DAP: variants seen among roughly 807,000 people sequenced by gnomAD.
DAP encodes the protein death associated protein, also known as death-associated protein 1.
DAP carries 8 observed loss-of-function variants against 13.8 expected under a neutral mutation model. The ratio of observed to expected loss-of-function variants is 0.58; its 90% confidence interval spans 0.34 to 1.05. The LOEUF (loss-of-function observed/expected upper bound fraction) is 1.05. Ranked by LOEUF, DAP falls within the 50% of genes least tolerant of loss-of-function variation. The pLI is 0.03. For synonymous variants in DAP, 47 were observed against 47.5 expected (o/e 0.99, Z 0.04); for missense variants, 106 against 133.2 (o/e 0.80, Z 1.01).
chr5:10,724,380 A>C (rs1739231699), intron 2 of DAP, among the ~76,000 whole-genome samples: 2 of 152,246 alleles, frequency 1.3e-5, no homozygotes, highest in African/African-American at 4.8e-5. Flanking sequence ...TTCAAAGCTT[A>C]CAGATATTCA....
chr5:10,686,098 T>C (rs1056066232), intron 2 of DAP, among the ~76,000 whole-genome samples: 2 of 152,220 alleles, frequency 1.3e-5, no homozygotes, highest in Admixed American at 6.5e-5. Context: ...TCATTGATCT[T>C]TGATGTTACT....
chr5:10,684,558 T>A (rs1303447845), intron 2 of DAP, among the ~76,000 whole-genome samples: 3 of 152,256 alleles, frequency 2.0e-5, no homozygotes, highest in Non-Finnish European at 4.4e-5. Context: ...AACGTGGGGC[T>A]ATCCTCCCAG....
At chr5:10,701,167 A>C (rs1448106525) in intron 2 of DAP, among the ~76,000 whole-genome samples, 1 of 152,260 alleles carries the variant, frequency 6.6e-6, no homozygotes, top group Non-Finnish European at 1.5e-5. Context: ...TTATTTCCCA[A>C]GGAAACAAAA....
At chr5:10,754,208 C>T (rs948478391) in intron 1 of DAP, among the ~76,000 whole-genome samples, 2 of 152,154 alleles carry the variant, frequency 1.3e-5, no homozygotes, top group African/African-American at 2.4e-5. Flanking sequence ...GCGGTAAGAA[C>T]GTATGCAGAG....
chr5:10,729,061 A>G (rs575122912), intron 2 of DAP, among the ~76,000 whole-genome samples: 1 of 152,320 alleles, frequency 6.6e-6, no homozygotes, highest in East Asian at 1.9e-4. Context: ...TAATTGTCCT[A>G]GTTTTTTTCT....
intron 2 of DAP, among the ~76,000 whole-genome samples, chr5:10,703,833 C>T (rs988760539): frequency 1.8e-4 from 27 of 152,208 alleles, no homozygotes; most frequent in African/African-American, 6.5e-4. Flanking sequence ...TAGAGGACAG[C>T]GCAGGGCGTG....
intron 1 of DAP, among the ~76,000 whole-genome samples, chr5:10,760,000 C>T (rs181865296): frequency 6.6e-6 from 1 of 152,038 alleles, no homozygotes; most frequent in Non-Finnish European, 1.5e-5. Context: ...AGTGATCCAC[C>T]CTCCTTGGCC....
chr5:10,738,549 T>C (rs778866976), intron 2 of DAP, among the ~76,000 whole-genome samples: 2 of 152,174 alleles, frequency 1.3e-5, no homozygotes, highest in African/African-American at 2.4e-5. Context: ...ATCAGAAAAA[T>C]TGAACTGAGG....
At chr5:10,688,148 T>C (rs1738202976) in intron 2 of DAP, among the ~76,000 whole-genome samples, 1 of 152,102 alleles carries the variant, frequency 6.6e-6, no homozygotes, top group Non-Finnish European at 1.5e-5. Context: ...ACTCCTGGCC[T>C]CAAGTGATCT....
chr5:10,758,767 C>G (rs1257492218), intron 1 of DAP, among the ~76,000 whole-genome samples: 1 of 152,214 alleles, frequency 6.6e-6, no homozygotes, highest in Admixed American at 6.5e-5. Context: ...TACACTAGCA[C>G]AAATAAGCTG....
chr5:10,735,629 T>C (rs372812067), intron 2 of DAP, among the ~76,000 whole-genome samples: 1 of 152,234 alleles, frequency 6.6e-6, no homozygotes, highest in African/African-American at 2.4e-5. Flanking sequence ...TCTTAATTGA[T>C]GGAGTGTGTG....
At chr5:10,729,936 C>T (rs1739392255) in intron 2 of DAP, among the ~76,000 whole-genome samples, 1 of 152,232 alleles carries the variant, frequency 6.6e-6, no homozygotes, top group African/African-American at 2.4e-5. Flanking sequence ...GACAGCTACC[C>T]TAGCATCTGT....
At chr5:10,725,976 G>C (rs1739279325) in intron 2 of DAP, among the ~76,000 whole-genome samples, 1 of 152,156 alleles carries the variant, frequency 6.6e-6, no homozygotes, top group Non-Finnish European at 1.5e-5. Context: ...CTGTTATTTG[G>C]CTATTAGACT....
At chr5:10,741,101 A>T (rs1022008667) in intron 2 of DAP, among the ~76,000 whole-genome samples, 1 of 152,242 alleles carries the variant, frequency 6.6e-6, no homozygotes, top group African/African-American at 2.4e-5. Context: ...CTGTAATCCC[A>T]GCACTATGGG....
intron 1 of DAP, among the ~76,000 whole-genome samples, chr5:10,754,429 T>C (rs1740127894): frequency 6.6e-6 from 1 of 152,172 alleles, no homozygotes; most frequent in Non-Finnish European, 1.5e-5. Flanking sequence ...TATTCTGTGC[T>C]CAGAATCATA....
At chr5:10,699,473 C>G (rs183217099) in intron 2 of DAP, among the ~76,000 whole-genome samples, 3 of 152,230 alleles carry the variant, frequency 2.0e-5, no homozygotes, top group Admixed American at 2.0e-4. Context: ...AAGAGGCCAA[C>G]AGGCCACACC....
At chr5:10,685,273 T>A (rs1738130184) in intron 2 of DAP, among the ~76,000 whole-genome samples, 1 of 44,626 alleles carries the variant, frequency 2.2e-5, no homozygotes, top group Non-Finnish European at 3.7e-5. Flanking sequence ...AGGTTGGATT[T>A]TTTTCCCCTT....
chr5:10,743,985 T>C (rs1484070453), intron 2 of DAP, among the ~76,000 whole-genome samples: 1 of 152,190 alleles, frequency 6.6e-6, no homozygotes, highest in East Asian at 1.9e-4. Flanking sequence ...TTAAAGGGAA[T>C]AAGAGTTGCA....
In DAP at chr5:10,758,630, T is replaced by A. The variant is rs776326377; in HGVS notation, c.55+2384A>T. ...TGCTGAAGCGGGACGTGAGACTCAC[T>A]GCAGCAAACACAGCCCCACCCTGTG... On this transcript the variant is annotated intron_variant, in intron 1 of 3. Coordinates refer to ENST00000230895, the MANE Select transcript of DAP (RefSeq NM_004394.3). Among the ~76,000 whole-genome samples, 18 of 152,156 alleles carry A rather than the reference T, an allele frequency of 1.2e-4. 1 individual carries two copies. Among genetic ancestry groups the A allele is most frequent in the Non-Finnish European group, 2.9e-5 (2 of 68,032 alleles).
Sources: allele counts gnomAD v4.1 joint callset (sites outside exome capture counted in the v4.1 genomes callset), GRCh38; gene constraint gnomAD v4.1.1; transcripts MANE v1.5; gene names NCBI Gene and HGNC (gene_info 2026-07-23, HGNC 2026-07-21).